DLGAP1: variants seen among roughly 807,000 people sequenced by gnomAD.
The protein encoded by DLGAP1 is disks large-associated protein 1.
Under a neutral mutation model 90.8 loss-of-function variants are expected in DLGAP1, and 11 were observed. The observed-to-expected ratio is 0.12, with a 90% confidence interval of 0.08 to 0.20. DLGAP1 has a LOEUF of 0.20. DLGAP1 is among the 10% of genes least tolerant of loss of function. The probability of loss-of-function intolerance (pLI) is 1.00; values close to 1 mark genes in which losing one functional copy is unlikely to be tolerated. For missense variants in DLGAP1, 1,050 were observed against 1,333.8 expected (o/e 0.79, Z 3.31); for synonymous variants, 558 against 540.7 (o/e 1.03, Z -0.44).
intron 5 of DLGAP1, among the ~76,000 whole-genome samples, chr18:3,773,886 C>A (rs2064816169): frequency 6.6e-6 from 1 of 152,082 alleles, no homozygotes; most frequent in Non-Finnish European, 1.5e-5. Flanking sequence ...ATTCAATTGC[C>A]AAGTTAAAAA....
intron 8 of DLGAP1, among the ~76,000 whole-genome samples, chr18:3,570,609 G>A (rs757881111): frequency 6.6e-6 from 1 of 151,796 alleles, no homozygotes; most frequent in Non-Finnish European, 1.5e-5. Context: ...TCTATGGCAA[G>A]TCTCCTCCTG....
chr18:4,077,934 C>T (rs1486031333), intron 2 of DLGAP1, among the ~76,000 whole-genome samples: 1 of 152,144 alleles, frequency 6.6e-6, no homozygotes, highest in East Asian at 1.9e-4. Context: ...CAGTTTGCTT[C>T]ATAGGAATTT....
At chr18:3,548,559 G>T (rs1432826916) in intron 9 of DLGAP1, among the ~76,000 whole-genome samples, 1 of 151,898 alleles carries the variant, frequency 6.6e-6, no homozygotes, top group Non-Finnish European at 1.5e-5. Flanking sequence ...TTTAGCTGAG[G>T]AGTTCAAGCT....
chr18:3,600,767 T>TATATATATATAG (rs2056886456), intron 7 of DLGAP1, among the ~76,000 whole-genome samples: 1 of 35,290 alleles, frequency 2.8e-5, no homozygotes, highest in Non-Finnish European at 4.8e-5. Context: ...GATATATAGA[T>TATATATATATAG]ATATATAGAT....
intron 1 of DLGAP1, among the ~76,000 whole-genome samples, chr18:4,364,556 T>G (rs12604764): frequency 6.6e-6 from 1 of 151,886 alleles, no homozygotes; most frequent in African/African-American, 2.4e-5. Context: ...TGCCCAGAAT[T>G]GAGATGCTGC....
intron 7 of DLGAP1, among the ~76,000 whole-genome samples, chr18:3,715,257 A>G (rs2061725502): frequency 6.6e-6 from 1 of 152,244 alleles, no homozygotes; most frequent in African/African-American, 2.4e-5. Flanking sequence ...AGAAATGGAC[A>G]AATGCCTTTG....
rs374263361 is a variant in DLGAP1 at position 3,984,928 on chromosome 18, GT to G, written c.-73+20187del. Among the ~76,000 whole-genome samples the G allele has an allele frequency of 1.4e-3, 215 of 152,224 alleles. 3 individuals carry two copies. The South Asian group carries it at 0.024, about 17-fold the overall frequency. On this transcript the variant is annotated intron_variant, in intron 3 of 12. Coordinates refer to ENST00000315677, the MANE Select transcript of DLGAP1 (RefSeq NM_004746.4). ...CTGCCTGTGTCCTCCATTCAGACAG[GT>G]TTATTGACCCATCCCAACCATGCCT...
At position 3,879,023 on chromosome 18, in the gene DLGAP1, G is replaced by T. The variant is rs1166925113; in HGVS notation, c.957+89C>A. 9.8e-6 allele frequency: 11 copies of T among 1,124,414 alleles called. No individual in the cohort carries two copies. The highest frequency in any genetic ancestry group is 1.3e-5 in the Non-Finnish European group (11 of 821,134). The allele number at this position is 1,124,414 out of a possible 1,614,324, so 69.7% of individuals were successfully genotyped here. On this transcript the variant is annotated intron_variant, in intron 4 of 12. Coordinates refer to ENST00000315677, the MANE Select transcript of DLGAP1 (RefSeq NM_004746.4). This position sits in a 1 kb window ranked among gnomAD's most constrained non-coding sequence, Gnocchi z 6.6. ...GGTTCCTATCTTAATAGACAATTCAGAGTAGTGCCAAGACTAGAACCAGGA... is the reference window on the plus strand; with the variant it reads ...GGTTCCTATCTTAATAGACAATTCATAGTAGTGCCAAGACTAGAACCAGGA...
chr18:4,135,787 A>ATTTTTTTTT (rs1283570927), intron 2 of DLGAP1, among the ~76,000 whole-genome samples: 1 of 95,308 alleles, frequency 1.0e-5, no homozygotes, highest in African/African-American at 5.9e-5. Flanking sequence ...AGAGAATCTG[A>ATTTTTTTTT]TTCTTTTTTT....
At chr18:4,425,152 T>C (rs1266968190) in intron 1 of DLGAP1, among the ~76,000 whole-genome samples, 1 of 152,108 alleles carries the variant, frequency 6.6e-6, no homozygotes, top group Non-Finnish European at 1.5e-5. Flanking sequence ...GAAAAAATAT[T>C]TCAAAACCAA....
intron 1 of DLGAP1, among the ~76,000 whole-genome samples, chr18:4,305,299 C>T (rs531283802): frequency 1.7e-3 from 257 of 152,096 alleles, no homozygotes; most frequent in African/African-American, 4.9e-3. Context: ...CTTTGGGAGG[C>T]GGAGGCGGGT....
chr18:3,862,260 G>A (rs908105021), intron 4 of DLGAP1, among the ~76,000 whole-genome samples: 2 of 152,218 alleles, frequency 1.3e-5, no homozygotes, highest in African/African-American at 4.8e-5. Flanking sequence ...CCAAGGGACT[G>A]GCTGTAGCAG....
intron 6 of DLGAP1, among the ~76,000 whole-genome samples, chr18:3,732,195 A>G (rs1476786941): frequency 2.0e-5 from 3 of 152,134 alleles, no homozygotes; most frequent in Non-Finnish European, 4.4e-5. Flanking sequence ...TGCATTTTGT[A>G]TTGCCTGAAA....
chr18:4,092,617 G>A (rs989507919), intron 2 of DLGAP1, among the ~76,000 whole-genome samples: 1 of 152,024 alleles, frequency 6.6e-6, no homozygotes, highest in African/African-American at 2.4e-5. Flanking sequence ...TCATACTTGT[G>A]CCTAGGGGCA....
At chr18:3,891,622 A>G (rs1016947873) in intron 3 of DLGAP1, among the ~76,000 whole-genome samples, 1 of 152,190 alleles carries the variant, frequency 6.6e-6, no homozygotes, top group Admixed American at 6.5e-5. Flanking sequence ...TCTAGGAATC[A>G]TAACTATATA....
intron 4 of DLGAP1, chr18:3,845,410 G>C: frequency 7.3e-7 from 1 of 1,378,862 alleles, no homozygotes; most frequent in Non-Finnish European, 9.5e-7. Flanking sequence ...AGAGTGGTTG[G>C]TCATGGCTCA....
chr18:3,523,636 A>G (rs1468835448), intron 10 of DLGAP1, among the ~76,000 whole-genome samples: 3 of 151,926 alleles, frequency 2.0e-5, no homozygotes, highest in Non-Finnish European at 4.4e-5. Context: ...TCACGAGGTC[A>G]GGAGATCGAG....
At chr18:3,997,980 T>A (rs946444387) in intron 3 of DLGAP1, among the ~76,000 whole-genome samples, 3 of 152,120 alleles carry the variant, frequency 2.0e-5, no homozygotes, top group Non-Finnish European at 4.4e-5. Context: ...CCCAGGTACA[T>A]CATCAGACTG....
rs141688436 is a variant in DLGAP1, at chr18:4,400,959, C to T, written c.-267+54047G>A. ...ACTTTTTGTAAATACACTGCAGGTC[C>T]TTATTTTCACACTCAAACACAAGTC... On this transcript the variant is annotated intron_variant, in intron 1 of 12. Transcript: ENST00000315677. 6.3e-4 allele frequency among the ~76,000 whole-genome samples: 96 copies of T among 152,270 alleles called. 1 individual carries two copies. In the East Asian group the frequency reaches 0.015, roughly 23 times the overall value.
Sources: gnomAD v4.1 joint callset for allele counts (sites outside exome capture counted in the v4.1 genomes callset) on GRCh38, gnomAD v4.1.1 for gene constraint, Gnocchi (gnomAD v3.1) non-coding constraint, MANE v1.5 for transcripts, NCBI Gene and HGNC (gene_info 2026-07-23, HGNC 2026-07-21) for gene names.